Variants in WAC observed in about 807,000 individuals in gnomAD.
The protein encoded by WAC is WW domain containing adaptor with coiled-coil.
A neutral mutation model predicts 79.6 loss-of-function variants in WAC; 11 were observed. The ratio of observed to expected loss-of-function variants is 0.14; its 90% CI spans 0.09 to 0.23. WAC has a LOEUF of 0.23. Ranked by LOEUF, WAC falls within the 10% of genes least tolerant of loss-of-function variation. The probability of loss-of-function intolerance (pLI) is 1.00; values close to 1 mark genes in which losing one functional copy is unlikely to be tolerated. For missense variants in WAC, 728 were observed against 773.5 expected (o/e 0.94, Z 0.70); for synonymous variants, 304 against 276.9 (o/e 1.10, Z -0.97).
chr10:28,622,992 TAATA>T lies in WAC; in HGVS notation c.*3391_*3394del, dbSNP rs532634459. 45 of 152,308 alleles carry T rather than the reference TAATA, an allele frequency of 3.0e-4. No individual in the cohort carries two copies. Among genetic ancestry groups the T allele is most frequent in the Non-Finnish European group, 4.0e-4 (27 of 68,028 alleles). The allele number at this position is 152,308 out of a possible 1,614,324, so 9.4% of individuals were successfully genotyped here. The stretch of plus-strand genomic sequence containing the variant: ...GAGTGTACAAAATGACACTGAAAAG[TAATA>T]AATATGTTTTGACTATATTGTGCAG... On this transcript the variant is annotated 3_prime_UTR_variant, in exon 14 of 14. Coordinates refer to ENST00000354911, the MANE Select transcript of WAC (RefSeq NM_016628.5).
rs911011360 is a variant in WAC, at chr10:28,622,724, A to C, written c.*3118A>C. 4 of 152,132 alleles carry C rather than the reference A, an allele frequency of 2.6e-5. No individual in the cohort carries two copies. Among genetic ancestry groups the C allele is most frequent in the African/African-American group, 4.8e-5 (2 of 41,426 alleles). 9.4% of individuals were successfully genotyped at this position (152,132 alleles called of 1,614,324 possible). On this transcript the variant is annotated 3_prime_UTR_variant, in exon 14 of 14. Transcript: ENST00000354911. ...TCACACTTGTAAAATCTTGGGAAGG[A>C]GGTTCTTAAAACTTTGCCAGGAATT...
intron 7 of WAC, among the ~76,000 whole-genome samples, chr10:28,604,772 G>C (rs192998321): frequency 3.8e-4 from 58 of 152,240 alleles, no homozygotes; most frequent in Non-Finnish European, 4.4e-5. Context: ...CATGTTCCTA[G>C]TACAAAGGAG....
At chr10:28,600,136 A>G (rs1398153088) in intron 7 of WAC, among the ~76,000 whole-genome samples, 1 of 152,190 alleles carries the variant, frequency 6.6e-6, no homozygotes, top group Non-Finnish European at 1.5e-5. Flanking sequence ...TAGCAGAGAT[A>G]AATTTGAAAA....
intron 3 of WAC, among the ~76,000 whole-genome samples, chr10:28,537,944 T>C (rs1395483701): frequency 6.6e-6 from 1 of 152,218 alleles, no homozygotes; most frequent in East Asian, 1.9e-4. Context: ...CCAATTTTCT[T>C]TCTAGCTGAT....
chr10:28,619,705 T>G lies in WAC; in HGVS notation c.*99T>G, dbSNP rs899869693. ...TGCATTTAAGTAGACTTTGGACCGTTAAGCTGGGCAAAGGAAATGACAAGG... is the reference window on the plus strand; with the variant it reads ...TGCATTTAAGTAGACTTTGGACCGTGAAGCTGGGCAAAGGAAATGACAAGG... On this transcript the variant is annotated 3_prime_UTR_variant, in exon 14 of 14. Coordinates refer to ENST00000354911, the MANE Select transcript of WAC (RefSeq NM_016628.5). The G allele has an allele frequency of 6.2e-6, 6 of 963,704 alleles. No homozygotes were observed. In the Admixed American group the frequency reaches 2.1e-4, roughly 34 times the overall value. 59.7% of individuals were successfully genotyped at this position (963,704 alleles called of 1,614,324 possible). A position where few individuals can be genotyped will look rare whatever the true frequency, so the allele number is the denominator to read the frequency against.
Position 28,541,415 on chromosome 10 carries a change from G to GTTTTTTTTT in WAC, c.274+5662_274+5663insTTTTTTTTT, listed in dbSNP as rs143772149. 1.5e-3 allele frequency among the ~76,000 whole-genome samples: 58 copies of GTTTTTTTTT among 37,884 alleles called. 15 individuals carry two copies. Among genetic ancestry groups the GTTTTTTTTT allele is most frequent in the Non-Finnish European group, 1.5e-3 (35 of 23,612 alleles). The allele number at this position is 37,884 out of a possible 152,430, so 24.9% of individuals were successfully genotyped here. On this transcript the variant is annotated intron_variant, in intron 3 of 13. Transcript: ENST00000354911. ...TTTTTGTGGGGTTGTGTGTGTGTGT[G>GTTTTTTTTT]TTTTGTTTTTTTTTTTTTTTTTTTT... is the stretch of plus-strand genomic sequence containing the variant.
chr10:28,586,301 C>T (rs1839819083), intron 4 of WAC, among the ~76,000 whole-genome samples: 2 of 152,098 alleles, frequency 1.3e-5, no homozygotes. Flanking sequence ...CTCTGATAAA[C>T]ATTTATTGTG....
intron 9 of WAC, chr10:28,611,029 T>C: frequency 1.6e-6 from 1 of 607,770 alleles, no homozygotes; most frequent in Admixed American, 3.5e-5. Context: ...GCTTTGACAT[T>C]TGTCTTAAGG....
chr10:28,616,436 TAATGTGA>T, intron 12 of WAC, 74 bp downstream of exon 12: 8 of 1,190,280 alleles, frequency 6.7e-6, no homozygotes, highest in Non-Finnish European at 8.9e-6. Flanking sequence ...CTAGAGAATC[TAATGTGA>T]CCACTGAATT....
intron 3 of WAC, among the ~76,000 whole-genome samples, chr10:28,558,742 C>T (rs1838135421): frequency 6.6e-6 from 1 of 152,110 alleles, no homozygotes; most frequent in East Asian, 1.9e-4. Flanking sequence ...GTCTGGTGCA[C>T]TCAAGAAATT....
intron 7 of WAC, among the ~76,000 whole-genome samples, chr10:28,607,446 T>A (rs1841014410): frequency 6.6e-6 from 1 of 152,224 alleles, no homozygotes; most frequent in African/African-American, 2.4e-5. Context: ...ATTAAATCTA[T>A]ATAAATAATT....
intron 3 of WAC, among the ~76,000 whole-genome samples, chr10:28,564,947 G>C (rs1274201913): frequency 6.6e-6 from 1 of 152,186 alleles, no homozygotes; most frequent in Non-Finnish European, 1.5e-5. Flanking sequence ...AAGATACAGA[G>C]CAGTTCCATC....
At chr10:28,560,487 T>C (rs1237707335) in intron 3 of WAC, among the ~76,000 whole-genome samples, 2 of 152,192 alleles carry the variant, frequency 1.3e-5, no homozygotes. Flanking sequence ...GAATTTTGTT[T>C]TTTTGTGTCG....
rs758856582 is a variant in WAC at position 28,610,824 on chromosome 10, ATTC to A, written c.1288+6_1288+8del. Reference sequence around the variant, plus strand: ...AGCTGCTCAGCTCTCTACACAAGGTATTCTTACTCATCTTAGATATCTCTAGAA... The same window carrying A: ...AGCTGCTCAGCTCTCTACACAAGGTATTACTCATCTTAGATATCTCTAGAA... On this transcript the variant is annotated splice_donor_5th_base_variant and intron_variant, in intron 9 of 13. Transcript: ENST00000354911. The A allele has an allele frequency of 3.1e-6, 5 of 1,592,488 alleles. No homozygotes were observed. The highest frequency in any genetic ancestry group is 4.3e-6 in the Non-Finnish European group (5 of 1,173,610).
intron 3 of WAC, among the ~76,000 whole-genome samples, chr10:28,571,544 G>A (rs528201527): frequency 6.6e-6 from 1 of 152,178 alleles, no homozygotes. Flanking sequence ...GAAGGTTGTT[G>A]TCTACTGTAC....
chr10:28,577,544 C>T (rs957742322), intron 3 of WAC, among the ~76,000 whole-genome samples: 4 of 152,140 alleles, frequency 2.6e-5, no homozygotes, highest in African/African-American at 9.7e-5. Context: ...CCGTATAGTA[C>T]AGATATGTGG....
intron 3 of WAC, among the ~76,000 whole-genome samples, chr10:28,582,686 C>T (rs563717642): frequency 9.2e-5 from 14 of 152,182 alleles, no homozygotes; most frequent in Admixed American, 3.3e-4. Flanking sequence ...TTGTGTCATT[C>T]ATCAAAGTGT....
In WAC at chr10:28,534,098, CTCGA is replaced by C. The variant is rs530055568; in HGVS notation, c.78+65_78+68del. 7.4e-6 allele frequency: 11 copies of C among 1,490,728 alleles called. No individual in the cohort carries two copies. In the South Asian group the frequency reaches 1.3e-4, roughly 17 times the overall value. The allele number at this position is 1,490,728 out of a possible 1,614,324, so 92.3% of individuals were successfully genotyped here. On this transcript the variant is annotated intron_variant, in intron 2 of 13. Transcript: ENST00000354911. ...CGGAGGGGGAAGGGAGGGACTGCTACTCGAGCGCAGGCCTCAGAAGTCGATACAG... is the reference window on the plus strand; with the variant it reads ...CGGAGGGGGAAGGGAGGGACTGCTACGCGCAGGCCTCAGAAGTCGATACAG...
chr10:28,555,424 C>T (rs746908197), intron 3 of WAC, among the ~76,000 whole-genome samples: 2 of 104,642 alleles, frequency 1.9e-5, no homozygotes, highest in Non-Finnish European at 3.8e-5. Context: ...TTGTTTAAAG[C>T]ACAGTAAGGA....
Sources: gnomAD v4.1 joint callset for allele counts (sites outside exome capture counted in the v4.1 genomes callset) on GRCh38, gnomAD v4.1.1 for gene constraint, MANE v1.5 for transcripts, NCBI Gene and HGNC (gene_info 2026-07-23, HGNC 2026-07-21) for gene names.